Variants in AKAP6 observed in about 807,000 individuals in gnomAD.
The protein encoded by AKAP6 is A-kinase anchor protein 6.
Under a neutral mutation model 188.5 loss-of-function variants are expected in AKAP6, and 58 were observed. That is an observed-to-expected ratio of 0.31 (90% CI 0.25 to 0.38). The LOEUF (loss-of-function observed/expected upper bound fraction) is 0.38, where lower values mean the gene tolerates loss of function less well. AKAP6 is among the 10% of genes least tolerant of loss of function. AKAP6 has a pLI of 1.00. For missense variants in AKAP6, 2,710 were observed against 2,740.0 expected (o/e 0.99, Z 0.24); for synonymous variants, 989 against 998.6 (o/e 0.99, Z 0.18).
At chr14:32,705,284 G>T (rs1314401805) in intron 9 of AKAP6, among the ~76,000 whole-genome samples, 1 of 152,124 alleles carries the variant, frequency 6.6e-6, no homozygotes, top group African/African-American at 2.4e-5. Context: ...TGGGGAAGGC[G>T]CAGGAGAATG....
chr14:32,726,172 A>G (rs1343546538), intron 9 of AKAP6: 1 of 983,616 alleles, frequency 1.0e-6, no homozygotes, highest in African/African-American at 1.7e-5. Context: ...TTACATTTTC[A>G]TTCAGGACAA....
chr14:32,674,887 G>A (rs753249103), intron 7 of AKAP6, among the ~76,000 whole-genome samples: 57 of 152,256 alleles, frequency 3.7e-4, no homozygotes, highest in South Asian at 1.4e-3. Flanking sequence ...GATGTCAACT[G>A]TCATTCAAAA....
rs149180331 is a variant in AKAP6, at chr14:32,551,910, C to T, written c.2346+4911C>T. Among the ~76,000 whole-genome samples, 1,300 of 152,140 alleles carry T rather than the reference C, an allele frequency of 8.5e-3. 19 individuals are homozygous for T. Among genetic ancestry groups the T allele is most frequent in the African/African-American group, 0.03 (1,229 of 41,526 alleles). Reference sequence around the variant, plus strand: ...CTCTATCTCCTGACCTTGTGATCCGCCGGCCTCGGCCTCCCAAAGTGCTGG... The same window carrying T: ...CTCTATCTCCTGACCTTGTGATCCGTCGGCCTCGGCCTCCCAAAGTGCTGG... On this transcript the variant is annotated intron_variant, in intron 4 of 13. Transcript: ENST00000280979.
At chr14:32,710,318 A>G (rs1890991173) in intron 9 of AKAP6, among the ~76,000 whole-genome samples, 1 of 151,988 alleles carries the variant, frequency 6.6e-6, no homozygotes, top group South Asian at 2.1e-4. Flanking sequence ...CATTTGGAGC[A>G]TACACAATAT....
At chr14:32,509,413 C>G (rs1881057138) in intron 2 of AKAP6, among the ~76,000 whole-genome samples, 2 of 152,058 alleles carry the variant, frequency 1.3e-5, no homozygotes, top group Non-Finnish European at 2.9e-5. Context: ...TTGTACCAAG[C>G]ATTGTTTGGG....
intron 7 of AKAP6, among the ~76,000 whole-genome samples, chr14:32,628,638 G>A (rs912758087): frequency 1.3e-5 from 2 of 151,836 alleles, no homozygotes; most frequent in African/African-American, 2.4e-5. Context: ...GGCTAGATTT[G>A]CACGCATTTG....
chr14:32,584,540 A>G (rs1295510571), intron 5 of AKAP6, among the ~76,000 whole-genome samples: 3 of 152,202 alleles, frequency 2.0e-5, no homozygotes, highest in Admixed American at 6.5e-5. Context: ...AATCTGACAA[A>G]TATATACACC....
chr14:32,635,501 T>C (rs1887446078), intron 7 of AKAP6, among the ~76,000 whole-genome samples: 1 of 152,102 alleles, frequency 6.6e-6, no homozygotes, highest in Non-Finnish European at 1.5e-5. Context: ...TTTTAGAAAG[T>C]ACTACCCTCA....
In AKAP6 at chr14:32,599,475, A is replaced by G; in HGVS notation, c.2535A>G (p.Gln845=). 2 of 1,613,444 alleles carry G rather than the reference A, an allele frequency of 1.2e-6. No homozygotes were observed. The highest frequency in any genetic ancestry group is 1.7e-6 in the Non-Finnish European group (2 of 1,179,592). ...LKEAVEEEGH[Q]LLELIASHKA... ...AAGCTGTGGAGGAGGAAGGACACCA[A>G]CTTCTTGAGCTTATTGCATCTCACA... The change falls in exon 6 of 14, where the codon CAA becomes CAG. Residue 845 remains glutamine, a synonymous_variant. Transcript: ENST00000280979.
At chr14:32,545,163 T>C in intron 3 of AKAP6, 67 bp from the exon 4 acceptor site, 1 of 1,470,550 alleles carries the variant, frequency 6.8e-7, no homozygotes, top group Non-Finnish European at 9.4e-7. Flanking sequence ...TGCAATTTCA[T>C]TTACATAGCA....
intron 2 of AKAP6, among the ~76,000 whole-genome samples, chr14:32,464,575 A>G (rs1192895563): frequency 6.6e-6 from 1 of 152,234 alleles, no homozygotes; most frequent in Non-Finnish European, 1.5e-5. Context: ...TCAATAAACT[A>G]GGTATTGATG....
chr14:32,660,009 T>A (rs898176487), intron 7 of AKAP6, among the ~76,000 whole-genome samples: 1 of 151,990 alleles, frequency 6.6e-6, no homozygotes, highest in African/African-American at 2.4e-5. Flanking sequence ...AAAAAAAATA[T>A]ATATATAAAG....
chr14:32,430,041 A>G (rs982936875), intron 1 of AKAP6, among the ~76,000 whole-genome samples: 1 of 152,246 alleles, frequency 6.6e-6, no homozygotes, highest in Non-Finnish European at 1.5e-5. Context: ...CAAAACGTGT[A>G]AATAATGACT....
At chr14:32,459,392 A>C (rs937584227) in intron 2 of AKAP6, among the ~76,000 whole-genome samples, 3 of 152,192 alleles carry the variant, frequency 2.0e-5, no homozygotes, top group African/African-American at 7.2e-5. Context: ...TCAGTAAAAA[A>C]ATAAATAATA....
At chr14:32,803,956 A>G (rs1211653057) in intron 12 of AKAP6, among the ~76,000 whole-genome samples, 1 of 152,180 alleles carries the variant, frequency 6.6e-6, no homozygotes, top group African/African-American at 2.4e-5. Flanking sequence ...TTATCAGTCC[A>G]TCTAGTCCGT....
intron 7 of AKAP6, among the ~76,000 whole-genome samples, chr14:32,628,924 A>C (rs1439119591): frequency 6.6e-6 from 1 of 152,136 alleles, no homozygotes; most frequent in Non-Finnish European, 1.5e-5. Flanking sequence ...TTAATGCCAG[A>C]ACTTTACCAT....
At chr14:32,767,420 G>A (rs1455575459) in intron 11 of AKAP6, among the ~76,000 whole-genome samples, 1 of 151,928 alleles carries the variant, frequency 6.6e-6, no homozygotes, top group Non-Finnish European at 1.5e-5. Context: ...TTTGTTTCCA[G>A]CCTCTCATCA....
chr14:32,561,929 G>A (rs1174384604), intron 4 of AKAP6, among the ~76,000 whole-genome samples: 1 of 152,214 alleles, frequency 6.6e-6, no homozygotes, highest in Non-Finnish European at 1.5e-5. Flanking sequence ...AATATGGGGG[G>A]AAATCATTTC....
chr14:32,329,958 A>T (rs779393892), intron 1 of AKAP6, among the ~76,000 whole-genome samples: 2 of 152,168 alleles, frequency 1.3e-5, no homozygotes, highest in Admixed American at 6.5e-5. Context: ...TATTAAAAGC[A>T]TAAAAACCTA....
Sources: allele counts gnomAD v4.1 joint callset (sites outside exome capture counted in the v4.1 genomes callset), GRCh38; gene constraint gnomAD v4.1.1; transcripts MANE v1.5; gene names NCBI Gene and HGNC (gene_info 2026-07-23, HGNC 2026-07-21).